Variants in DGKB observed in about 807,000 individuals in gnomAD.
The protein encoded by DGKB is diacylglycerol kinase beta.
A neutral mutation model predicts 114.3 loss-of-function variants in DGKB; 67 were observed. The ratio of observed to expected loss-of-function variants is 0.59; its 90% CI spans 0.48 to 0.72. The LOEUF (loss-of-function observed/expected upper bound fraction) is 0.72. DGKB is among the 30% of genes least tolerant of loss of function. The probability of loss-of-function intolerance (pLI) is 0.00; values close to 1 mark genes in which losing one functional copy is unlikely to be tolerated. For missense variants in DGKB, 907 were observed against 975.2 expected (o/e 0.93, Z 0.93); for synonymous variants, 398 against 323.1 (o/e 1.23, Z -2.49).
intron 21 of DGKB, among the ~76,000 whole-genome samples, chr7:14,449,699 TG>T (rs1563206532): frequency 6.6e-6 from 1 of 152,122 alleles, no homozygotes; most frequent in African/African-American, 2.4e-5. Flanking sequence ...CTAAATATCT[TG>T]CAGAGATATG....
intron 1 of DGKB, among the ~76,000 whole-genome samples, chr7:14,911,275 T>C (rs1783987943): frequency 6.6e-6 from 1 of 152,120 alleles, no homozygotes; most frequent in Non-Finnish European, 1.5e-5. Flanking sequence ...TCAATAAGTG[T>C]AGTTGTGTAA....
At chr7:14,599,285 T>C (rs1563638146) in intron 17 of DGKB, among the ~76,000 whole-genome samples, 1 of 152,184 alleles carries the variant, frequency 6.6e-6, no homozygotes, top group Non-Finnish European at 1.5e-5. Flanking sequence ...ACCTGAAGAA[T>C]CTTAGGTAAA....
chr7:14,704,679 T>A (rs2129016397), intron 6 of DGKB, among the ~76,000 whole-genome samples: 1 of 152,142 alleles, frequency 6.6e-6, no homozygotes, highest in South Asian at 2.1e-4. Flanking sequence ...CTGAGCAGCC[T>A]AACTGGGAGG....
At chr7:14,577,683 C>T (rs572924789) in intron 19 of DGKB, among the ~76,000 whole-genome samples, 32 of 152,154 alleles carry the variant, frequency 2.1e-4, no homozygotes, top group African/African-American at 7.7e-4. Flanking sequence ...ACAAGATTTT[C>T]CTTGCAATTA....
chr7:14,748,411 G>T (rs186257607), intron 4 of DGKB, among the ~76,000 whole-genome samples: 1 of 152,172 alleles, frequency 6.6e-6, no homozygotes, highest in Non-Finnish European at 1.5e-5. Flanking sequence ...AAGATTTAAA[G>T]GTGATGAGGC....
intron 1 of DGKB, among the ~76,000 whole-genome samples, chr7:14,844,541 A>G (rs899027078): frequency 1.3e-5 from 2 of 152,022 alleles, no homozygotes; most frequent in African/African-American, 4.8e-5. Flanking sequence ...AAACCTGATC[A>G]CTCTTACATT....
intron 21 of DGKB, among the ~76,000 whole-genome samples, chr7:14,353,596 A>T (rs1813899202): frequency 1.3e-5 from 2 of 152,216 alleles, no homozygotes. Flanking sequence ...CTCGTGAGAG[A>T]TACATAAATA....
intron 9 of DGKB, among the ~76,000 whole-genome samples, chr7:14,688,437 G>A (rs1822099157): frequency 6.6e-6 from 1 of 152,096 alleles, no homozygotes; most frequent in Non-Finnish European, 1.5e-5. Context: ...CAACACCTGT[G>A]AAGTTAATTT....
At chr7:14,201,399 C>T (rs897506309) in intron 23 of DGKB, among the ~76,000 whole-genome samples, 1 of 151,920 alleles carries the variant, frequency 6.6e-6, no homozygotes, top group Non-Finnish European at 1.5e-5. Flanking sequence ...AGGTAAGAAA[C>T]AGCAGGGTGA....
chr7:14,953,439 A>G (rs1204403623), intron 1 of DGKB, among the ~76,000 whole-genome samples: 1 of 152,170 alleles, frequency 6.6e-6, no homozygotes, highest in Non-Finnish European at 1.5e-5. Flanking sequence ...GCTGATAAGC[A>G]CATAAAACAA....
intron 1 of DGKB, among the ~76,000 whole-genome samples, chr7:14,947,288 C>T (rs781745453): frequency 2.0e-4 from 31 of 151,554 alleles, no homozygotes; most frequent in Non-Finnish European, 3.7e-4. Context: ...TGTTATTTTG[C>T]TTGTAAAACA....
chr7:14,674,461 A>C (rs926574865), intron 12 of DGKB, among the ~76,000 whole-genome samples: 47 of 152,292 alleles, frequency 3.1e-4, no homozygotes, highest in Admixed American at 1.2e-3. Context: ...CTAGTAATTA[A>C]CTTTCTTAGA....
intron 1 of DGKB, among the ~76,000 whole-genome samples, chr7:14,892,137 C>A (rs754983920): frequency 6.6e-6 from 1 of 151,222 alleles, no homozygotes; most frequent in African/African-American, 2.4e-5. Flanking sequence ...TGAGGTGGGT[C>A]AAGCTACTGG....
intron 25 of DGKB, among the ~76,000 whole-genome samples, chr7:14,153,491 G>A (rs931542361): frequency 1.3e-5 from 2 of 152,042 alleles, no homozygotes; most frequent in African/African-American, 4.8e-5. Flanking sequence ...AGGACAAAGA[G>A]ACTTAAAAGG....
chr7:14,250,641 T>C (rs1013134855), intron 23 of DGKB, among the ~76,000 whole-genome samples: 3 of 152,166 alleles, frequency 2.0e-5, no homozygotes, highest in Non-Finnish European at 4.4e-5. Flanking sequence ...ATGTTCTTTA[T>C]ATGTTTCTTG....
chr7:14,404,248 G>A (rs912740678), intron 21 of DGKB, among the ~76,000 whole-genome samples: 2 of 150,728 alleles, frequency 1.3e-5, no homozygotes, highest in African/African-American at 2.4e-5. Flanking sequence ...CATATGTCTC[G>A]GATATCCCCA....
intron 13 of DGKB, among the ~76,000 whole-genome samples, chr7:14,636,596 G>A (rs990283329): frequency 1.3e-5 from 2 of 151,756 alleles, no homozygotes; most frequent in African/African-American, 4.8e-5. Flanking sequence ...TTTGAAAAGA[G>A]TACAAGATAC....
chr7:14,445,590 A>G (rs932146456), intron 21 of DGKB, among the ~76,000 whole-genome samples: 2 of 152,026 alleles, frequency 1.3e-5, no homozygotes, highest in South Asian at 4.1e-4. Context: ...TAAAATGCAT[A>G]ATCTGAAGTT....
chr7:14,656,846 G>A (rs1815931689), intron 13 of DGKB, among the ~76,000 whole-genome samples: 1 of 151,026 alleles, frequency 6.6e-6, no homozygotes, highest in South Asian at 2.1e-4. Flanking sequence ...TCTACCTTAT[G>A]CATTTAGGTA....
Sources: gnomAD v4.1 joint callset for allele counts (sites outside exome capture counted in the v4.1 genomes callset) on GRCh38, gnomAD v4.1.1 for gene constraint, MANE v1.5 for transcripts, NCBI Gene and HGNC (gene_info 2026-07-23, HGNC 2026-07-21) for gene names.